The following KAT6A variants were observed in gnomAD, a reference collection of about 807,000 sequenced individuals.
KAT6A encodes the protein lysine acetyltransferase 6A.
A neutral mutation model predicts 198.4 loss-of-function variants in KAT6A; 9 were observed. The ratio of observed to expected loss-of-function variants is 0.05; its 90% CI spans 0.03 to 0.08. KAT6A has a LOEUF of 0.08. Ranked by LOEUF, KAT6A falls within the 10% of genes least tolerant of loss-of-function variation. KAT6A has a pLI of 1.00. For missense variants in KAT6A, 2,077 were observed against 2,509.9 expected, an observed-to-expected ratio of 0.83 and a Z score of 3.69; for synonymous variants, 890 against 883.0, an observed-to-expected ratio of 1.01 and a Z score of -0.14.
chr8:41,967,902 G>A (rs1823591969), intron 8 of KAT6A, among the ~76,000 whole-genome samples: 2 of 152,016 alleles, frequency 1.3e-5, no homozygotes, highest in Non-Finnish European at 2.9e-5. Flanking sequence ...AAATGGTGCT[G>A]GGAAAACTGG....
At chr8:41,970,704 C>T (rs1208492197) in intron 8 of KAT6A, among the ~76,000 whole-genome samples, 2 of 152,186 alleles carry the variant, frequency 1.3e-5, no homozygotes, top group Non-Finnish European at 2.9e-5. Flanking sequence ...CCATTTGACC[C>T]AGTCATCCCA....
chr8:41,953,471 T>A (rs1180601470), intron 9 of KAT6A, among the ~76,000 whole-genome samples: 3 of 152,172 alleles, frequency 2.0e-5, no homozygotes, highest in African/African-American at 7.2e-5. Flanking sequence ...TTCCTTGGCA[T>A]ATTTATTTTC....
intron 2 of KAT6A, among the ~76,000 whole-genome samples, chr8:42,034,119 TAAC>T (rs1481122323): frequency 6.6e-6 from 1 of 152,014 alleles, no homozygotes; most frequent in Non-Finnish European, 1.5e-5. Context: ...AAAAAATGGA[TAAC>T]AATCATTCCA....
intron 1 of KAT6A, among the ~76,000 whole-genome samples, chr8:42,050,949 G>A (rs1041281139): frequency 6.6e-6 from 1 of 152,008 alleles, no homozygotes; most frequent in Non-Finnish European, 1.5e-5. Context: ...AGTCCTTCCC[G>A]TCCCCATTCC....
intron 8 of KAT6A, among the ~76,000 whole-genome samples, chr8:41,960,727 G>A (rs550376163): frequency 6.6e-6 from 1 of 151,768 alleles, no homozygotes; most frequent in Admixed American, 6.6e-5. Flanking sequence ...ACAAAATCTA[G>A]AATTCTGTCC....
Sources: gnomAD v4.1 joint callset for allele counts (sites outside exome capture counted in the v4.1 genomes callset) on GRCh38, gnomAD v4.1.1 for gene constraint, MANE v1.5 for transcripts, NCBI Gene and HGNC (gene_info 2026-07-23, HGNC 2026-07-21) for gene names.